EXTL3: variants seen among roughly 807,000 people sequenced by gnomAD.
EXTL3 encodes exostosin like glycosyltransferase 3.
Under a neutral mutation model 69.3 loss-of-function variants are expected in EXTL3, and 27 were observed. The ratio of observed to expected loss-of-function variants is 0.39; its 90% CI spans 0.29 to 0.54. The LOEUF (loss-of-function observed/expected upper bound fraction) is 0.54, where lower values mean the gene tolerates loss of function less well. EXTL3 is among the 20% of genes least tolerant of loss of function. The pLI, the probability that EXTL3 is intolerant of heterozygous loss-of-function variation, is 0.69. For missense variants in EXTL3, 1,003 were observed against 1,231.8 expected, an observed-to-expected ratio of 0.81 and a Z score of 2.78; for synonymous variants, 511 against 499.4, an observed-to-expected ratio of 1.02 and a Z score of -0.31.
At chr8:28,634,964 T>C (rs1806629728) in intron 1 of EXTL3, among the ~76,000 whole-genome samples, 1 of 152,088 alleles carries the variant, frequency 6.6e-6, no homozygotes. Context: ...CGATGTCCAC[T>C]GTCTGTGGAT....
chr8:28,716,106 G>A lies in EXTL3; in HGVS notation c.47G>A (p.Gly16Asp). The A allele has an allele frequency of 6.2e-7, 1 of 1,613,012 alleles. No individual in the cohort carries two copies. The highest frequency in any genetic ancestry group is 1.1e-5 in the South Asian group (1 of 91,080). Residue 16 changes from glycine (G) to aspartate (D), a missense_variant, in exon 3 of 7, where the codon GGT becomes GAT. Physicochemically the swap from Gly to Asp is moderately conservative, Grantham distance 94. Around this residue, in one of 2 missense-constraint regions of EXTL3, gnomAD observed 742 missense variants for 815.4 expected, o/e 0.91. Transcript: ENST00000220562. The surrounding 1 kb of genome is among the most constrained non-coding windows in gnomAD (Gnocchi z 7.1). The part of the protein sequence containing the change: ...MLRNGGAGNG[G>D]QTCMLRWSNR... ...CGGAATGGGGGCGCGGGGAACGGAG[G>A]TCAGACCTGCATGCTGCGCTGGTCC...
intron 1 of EXTL3, among the ~76,000 whole-genome samples, chr8:28,636,331 C>CA (rs377313297): frequency 0.32 from 36,920 of 115,574 alleles, 5,161 homozygotes; most frequent in Non-Finnish European, 0.35. Context: ...GACTCCATCT[C>CA]AAAAAAAAAA....
At chr8:28,725,797 G>GTGT (rs1801399672) in intron 3 of EXTL3, among the ~76,000 whole-genome samples, 3 of 152,254 alleles carry the variant, frequency 2.0e-5, no homozygotes, top group Admixed American at 2.0e-4. Flanking sequence ...TGAGGGAAGA[G>GTGT]TGTTGGTTTG....
chr8:28,635,495 A>T lies in EXTL3; in HGVS notation c.-53+12685A>T, dbSNP rs556844140. Among the ~76,000 whole-genome samples, 12 of 149,782 alleles carry T rather than the reference A, an allele frequency of 8.0e-5. No individual in the cohort carries two copies. In the East Asian group the frequency reaches 2.4e-3, roughly 29 times the overall value. On this transcript the variant is annotated intron_variant, in intron 1 of 6. Coordinates refer to the EXTL3 transcript ENST00000523149. ...GGCGGGCGGATCATGAGGTCAGGAG[A>T]TCAAGATCATCCTGGCTAATGCAGT...
upstream of EXTL3, chr8:28,698,160 C>G (rs1447255480): frequency 3.9e-5 from 6 of 152,042 alleles, no homozygotes; most frequent in Non-Finnish European, 5.9e-5. Flanking sequence ...ACAAATAAAG[C>G]CTTTAAGTCT....
intron 1 of EXTL3, among the ~76,000 whole-genome samples, chr8:28,650,374 A>G (rs1016258990): frequency 1.3e-5 from 2 of 150,316 alleles, no homozygotes; most frequent in Non-Finnish European, 2.9e-5. Flanking sequence ...TATTATTATT[A>G]TTTTGAGACA....
intron 1 of EXTL3, among the ~76,000 whole-genome samples, chr8:28,667,674 T>C (rs1313970880): frequency 6.9e-6 from 1 of 144,780 alleles, no homozygotes; most frequent in Non-Finnish European, 1.5e-5. Context: ...ATTAGCTGTA[T>C]GACTTTGGGC....
chr8:28,661,340 G>GTT (rs1303292516), intron 1 of EXTL3, among the ~76,000 whole-genome samples: 2 of 149,788 alleles, frequency 1.3e-5, no homozygotes, highest in Admixed American at 6.8e-5. Flanking sequence ...TGAGCTTTAT[G>GTT]TTTTATATAT....
At chr8:28,627,915 G>T (rs1806516945) in intron 1 of EXTL3, among the ~76,000 whole-genome samples, 1 of 152,040 alleles carries the variant, frequency 6.6e-6, no homozygotes, top group African/African-American at 2.4e-5. Context: ...CATGGGGGTT[G>T]CCAGAAGCTA....
intron 4 of EXTL3, among the ~76,000 whole-genome samples, chr8:28,731,858 G>T (rs1801545464): frequency 6.6e-6 from 1 of 151,986 alleles, no homozygotes; most frequent in Non-Finnish European, 1.5e-5. Context: ...GAAAAAGAAG[G>T]GGAGGAGGAA....
At chr8:28,748,385 T>G (rs886536770) in intron 6 of EXTL3, among the ~76,000 whole-genome samples, 14 of 151,678 alleles carry the variant, frequency 9.2e-5, no homozygotes, top group East Asian at 7.8e-4. Context: ...AAAAAAAACT[T>G]GACAGTAAAT....
chr8:28,754,679 T>G lies in EXTL3; in HGVS notation c.*3813T>G, dbSNP rs1298603932. On this transcript the variant is annotated 3_prime_UTR_variant, in exon 7 of 7. Transcript: ENST00000220562. ...GAGTCTATACCTGTCGAGTTGTGTCTTGGACTTACGGTCTGCCAAGGTGGT... is the reference window on the plus strand; with the variant it reads ...GAGTCTATACCTGTCGAGTTGTGTCGTGGACTTACGGTCTGCCAAGGTGGT... The G allele has an allele frequency of 6.6e-6, 1 of 152,268 alleles. No individual in the cohort carries two copies. Among genetic ancestry groups the G allele is most frequent in the Non-Finnish European group, 1.5e-5 (1 of 68,048 alleles). 9.4% of individuals were successfully genotyped at this position (152,268 alleles called of 1,614,324 possible).
At chr8:28,631,637 C>A (rs1806572124) in intron 1 of EXTL3, 2 of 152,260 alleles carry the variant, frequency 1.3e-5, no homozygotes, top group Admixed American at 6.5e-5. Flanking sequence ...GGATTAGCAA[C>A]CATCCAGGGA....
At chr8:28,642,695 A>G (rs1166486889) in intron 1 of EXTL3, among the ~76,000 whole-genome samples, 1 of 152,154 alleles carries the variant, frequency 6.6e-6, no homozygotes, top group Non-Finnish European at 1.5e-5. Context: ...GAATTGACCT[A>G]TTCCAAAAGG....
At chr8:28,629,756 G>C (rs1414527408) in intron 1 of EXTL3, among the ~76,000 whole-genome samples, 5 of 152,174 alleles carry the variant, frequency 3.3e-5, no homozygotes, top group African/African-American at 1.2e-4. Context: ...CTGGAATCCT[G>C]TTGGTGTAAC....
upstream of EXTL3, among the ~76,000 whole-genome samples, chr8:28,622,018 C>T (rs1806414513): frequency 6.6e-6 from 1 of 152,140 alleles, no homozygotes; most frequent in Non-Finnish European, 1.5e-5. Flanking sequence ...TTCCTCGGGG[C>T]ATGTACGGGA....
chr8:28,707,867 A>G (rs1010189775), intron 1 of EXTL3, among the ~76,000 whole-genome samples: 1 of 152,240 alleles, frequency 6.6e-6, no homozygotes, highest in Non-Finnish European at 1.5e-5. Flanking sequence ...AGATAAGGCA[A>G]TGGCATAATT....
intron 1 of EXTL3, among the ~76,000 whole-genome samples, chr8:28,634,890 C>T (rs552093358): frequency 4.6e-5 from 7 of 152,186 alleles, no homozygotes; most frequent in South Asian, 2.1e-4. Flanking sequence ...CCACTGCACC[C>T]GGCTGACATC....
chr8:28,723,163 G>A (rs1050818103), intron 3 of EXTL3, among the ~76,000 whole-genome samples: 3 of 152,104 alleles, frequency 2.0e-5, no homozygotes, highest in African/African-American at 7.2e-5. Flanking sequence ...TCCCTTGAAC[G>A]AATGAGACGA....
Sources: allele counts gnomAD v4.1 joint callset (sites outside exome capture counted in the v4.1 genomes callset), GRCh38; gene constraint gnomAD v4.1.1; regional missense constraint gnomAD v4.1.1; non-coding constraint Gnocchi (gnomAD v3.1); transcripts MANE v1.5; gene names NCBI Gene and HGNC (gene_info 2026-07-23, HGNC 2026-07-21).